Variants in SLC17A5 observed in about 807,000 individuals in gnomAD.
SLC17A5 encodes sialin.
Under a neutral mutation model 59.4 loss-of-function variants are expected in SLC17A5, and 47 were observed. The ratio of observed to expected loss-of-function variants is 0.79; its 90% confidence interval spans 0.63 to 1.01. SLC17A5 has a LOEUF of 1.01. Ranked by LOEUF, SLC17A5 falls within the 50% of genes least tolerant of loss-of-function variation. SLC17A5 has a pLI of 0.00. For missense variants in SLC17A5, 522 were observed against 595.5 expected (o/e 0.88, Z 1.28); for synonymous variants, 202 against 210.7 (o/e 0.96, Z 0.36).
intron 6 of SLC17A5, among the ~76,000 whole-genome samples, chr6:73,631,247 C>T (rs960100956): frequency 4.6e-5 from 7 of 150,980 alleles, no homozygotes; most frequent in African/African-American, 2.5e-5. Context: ...GGAGACAGAG[C>T]GAGACCCTGT....
At chr6:73,633,442 G>C (rs1768857547) in intron 6 of SLC17A5, among the ~76,000 whole-genome samples, 2 of 151,806 alleles carry the variant, frequency 1.3e-5, no homozygotes, top group South Asian at 4.2e-4. Context: ...ATGTTGTCCA[G>C]GCTGGTCTTG....
chr6:73,620,322 G>A (rs1414097091), intron 7 of SLC17A5, among the ~76,000 whole-genome samples: 1 of 148,638 alleles, frequency 6.7e-6, no homozygotes, highest in African/African-American at 2.6e-5. Flanking sequence ...ATTAATCACT[G>A]TAGTAGTATA....
At chr6:73,623,887 CAG>C (rs1768278761) in intron 6 of SLC17A5, among the ~76,000 whole-genome samples, 1 of 150,666 alleles carries the variant, frequency 6.6e-6, no homozygotes, top group African/African-American at 2.4e-5. Context: ...TTAGTAGAGA[CAG>C]AGTTTCACCG....
chr6:73,594,482 G>C lies in SLC17A5; in HGVS notation c.*595C>G, dbSNP rs540399289. 5.5e-5 allele frequency: 9 copies of C among 162,370 alleles called. 1 individual carries two copies. In the South Asian group the frequency reaches 1.6e-3, roughly 28 times the overall value. 10.1% of individuals were successfully genotyped at this position (162,370 alleles called of 1,614,324 possible). A position where few individuals can be genotyped will look rare whatever the true frequency, so the allele number is the denominator to read the frequency against. ...GCCCCTCAGAGGAAAGGCACCAGCC[G>C]AAGAGTCGACACTGGCTCTGGGCTT... On this transcript the variant is annotated 3_prime_UTR_variant, in exon 11 of 11. Transcript: ENST00000355773.
At chr6:73,638,599 A>T (rs117686327) in intron 3 of SLC17A5, 100 bp from the exon 4 acceptor site, 35 of 933,168 alleles carry the variant, frequency 3.8e-5, no homozygotes, top group African/African-American at 3.4e-4. Flanking sequence ...TTTTCTGGAT[A>T]AGAATCAAAC....
At chr6:73,651,722 T>G (rs1769879134) in intron 1 of SLC17A5, among the ~76,000 whole-genome samples, 1 of 151,650 alleles carries the variant, frequency 6.6e-6, no homozygotes. Flanking sequence ...TTTTGTATTT[T>G]TAGTAGGGAC....
chr6:73,633,939 C>T (rs10943116), intron 6 of SLC17A5, among the ~76,000 whole-genome samples: 41,876 of 121,240 alleles, frequency 0.35, 6,016 homozygotes, highest in African/African-American at 0.41. Context: ...TAGGAAAAGT[C>T]TTAAATATTT....
chr6:73,619,774 A>G (rs2150096897), intron 7 of SLC17A5, among the ~76,000 whole-genome samples: 1 of 152,230 alleles, frequency 6.6e-6, no homozygotes, highest in African/African-American at 2.4e-5. Flanking sequence ...AAAGTACACA[A>G]CATTAATTAC....
intron 1 of SLC17A5, chr6:73,645,255 T>A (rs1384760588): frequency 2.2e-6 from 2 of 909,356 alleles, no homozygotes; most frequent in Non-Finnish European, 1.3e-6. Flanking sequence ...CTGCCAAGGG[T>A]AGGGCATGAA....
chr6:73,636,721 TAA>T lies in SLC17A5; in HGVS notation c.614-16_614-15del, dbSNP rs753334262. On this transcript the variant is annotated splice_polypyrimidine_tract_variant and intron_variant, in intron 4 of 10. Coordinates refer to ENST00000355773, the MANE Select transcript of SLC17A5 (RefSeq NM_012434.5). ...CAAGCTGTGCTCCTAGAACAACACATAAGACTATTTTATAAACTTTGGAGAGA... is the reference window on the plus strand; with the variant it reads ...CAAGCTGTGCTCCTAGAACAACACATGACTATTTTATAAACTTTGGAGAGA... 6.4e-7 allele frequency: 1 copy of T among 1,563,756 alleles called. No individual in the cohort carries two copies. Among genetic ancestry groups the T allele is most frequent in the Non-Finnish European group, 8.8e-7 (1 of 1,134,226 alleles).
rs1394728380 is a variant in SLC17A5 at position 73,593,525 on chromosome 6, C to A, written c.*1552G>T. 2 of 152,294 alleles carry A rather than the reference C, an allele frequency of 1.3e-5. No homozygotes were observed. The highest frequency in any genetic ancestry group is 4.8e-5 in the African/African-American group (2 of 41,558). The allele number at this position is 152,294 out of a possible 1,614,324, so 9.4% of individuals were successfully genotyped here. ...AAAATATTACACGTAGTGTTGAACA[C>A]AAAACATAAACTAAGTTTTAAGCCA... On this transcript the variant is annotated 3_prime_UTR_variant, in exon 11 of 11. Coordinates refer to ENST00000355773, the MANE Select transcript of SLC17A5 (RefSeq NM_012434.5).
intron 1 of SLC17A5, 61 bp from the exon 2 acceptor site, chr6:73,644,664 G>T (rs1333356255): frequency 4.8e-6 from 7 of 1,463,356 alleles, no homozygotes; most frequent in Non-Finnish European, 6.5e-6. Flanking sequence ...TAGAGACAGG[G>T]TTTTGCCATG....
intron 6 of SLC17A5, among the ~76,000 whole-genome samples, chr6:73,631,865 C>G (rs568447816): frequency 6.7e-6 from 1 of 149,308 alleles, no homozygotes; most frequent in African/African-American, 2.6e-5. Flanking sequence ...TGACAAAGAA[C>G]CTAGGTCATA....
chr6:73,631,191 GACC>G (rs1389100586), intron 6 of SLC17A5, among the ~76,000 whole-genome samples: 1 of 150,506 alleles, frequency 6.6e-6, no homozygotes, highest in African/African-American at 2.5e-5. Flanking sequence ...ACAAAAATAA[GACC>G]ACTTTACAGT....
At chr6:73,595,781 C>T (rs552151546) in intron 10 of SLC17A5, among the ~76,000 whole-genome samples, 108 of 151,984 alleles carry the variant, frequency 7.1e-4, no homozygotes, top group East Asian at 2.9e-3. Flanking sequence ...GGCGCAATCT[C>T]GGCTCACTGC....
chr6:73,616,580 C>CACACACA (rs60454712), intron 7 of SLC17A5, among the ~76,000 whole-genome samples: 9,842 of 100,050 alleles, frequency 0.098, 395 homozygotes, highest in Middle Eastern at 0.17. Context: ...CACACACACA[C>CACACACA]GTTTATTTTT....
chr6:73,628,742 A>G (rs1314723937), intron 6 of SLC17A5, among the ~76,000 whole-genome samples: 1 of 152,236 alleles, frequency 6.6e-6, no homozygotes, highest in Non-Finnish European at 1.5e-5. Flanking sequence ...TTCAGAATGT[A>G]TCATCGAATT....
intron 9 of SLC17A5, among the ~76,000 whole-genome samples, chr6:73,604,186 A>C (rs1252000665): frequency 6.6e-6 from 1 of 152,154 alleles, no homozygotes; most frequent in Non-Finnish European, 1.5e-5. Context: ...AGAGGAGTCA[A>C]CTGCAATGTT....
intron 8 of SLC17A5, 62 bp downstream of exon 8, chr6:73,615,253 C>T: frequency 1.9e-6 from 3 of 1,574,900 alleles, no homozygotes; most frequent in Non-Finnish European, 2.6e-6. Flanking sequence ...TTTCCTATCT[C>T]CTATAACTGT....
Sources: allele counts gnomAD v4.1 joint callset (sites outside exome capture counted in the v4.1 genomes callset), GRCh38; gene constraint gnomAD v4.1.1; transcripts MANE v1.5; gene names NCBI Gene and HGNC (gene_info 2026-07-23, HGNC 2026-07-21).